The following RAP2C variants were observed in gnomAD, a reference collection of about 807,000 sequenced individuals.
RAP2C encodes the protein ras-related protein Rap-2c.
A neutral mutation model predicts 8.9 loss-of-function variants in RAP2C; 3 were observed. That is an observed-to-expected ratio of 0.34 (90% CI 0.15 to 0.87). The LOEUF is 0.87. Ranked by LOEUF, RAP2C falls within the 40% of genes least tolerant of loss-of-function variation. The probability of loss-of-function intolerance (pLI) is 0.51; values close to 1 mark genes in which losing one functional copy is unlikely to be tolerated. For synonymous variants in RAP2C, 60 were observed against 52.1 expected (o/e 1.15, Z -0.65); for missense variants, 76 against 133.7 (o/e 0.57, Z 2.13).
chrX:132,206,500 G>C (rs1930281093), intron 5 of RAP2C, among the ~76,000 whole-genome samples: 1 of 112,182 alleles, frequency 8.9e-6, no homozygotes, highest in Non-Finnish European at 1.9e-5. Flanking sequence ...TAGCTTCTAG[G>C]GGAATAGAGT....
At chrX:132,211,135 T>G (rs1237754953) in intron 5 of RAP2C, among the ~76,000 whole-genome samples, 1 of 110,969 alleles carries the variant, frequency 9.0e-6, no homozygotes, top group East Asian at 2.8e-4. Context: ...TGTCATCTAG[T>G]GGGTAAAAGC....
rs1226223131 is a variant in RAP2C, at chrX:132,217,461, G to C, written c.-193C>G. The stretch of plus-strand genomic sequence containing the variant: ...GGGAAAGAGCGTAGAGTCGGGGAGG[G>C]TGGGGAAGGGATGGTAATGCCCTTC... On this transcript the variant is annotated 5_prime_UTR_variant, in exon 4 of 6. Coordinates refer to ENST00000370874, the MANE Select transcript of RAP2C (RefSeq NM_001271186.2). The C allele has an allele frequency of 6.8e-6, 2 of 294,787 alleles. No individual in the cohort carries two copies. The highest frequency in any genetic ancestry group is 1.2e-5 in the Non-Finnish European group (2 of 168,060). 24.3% of individuals were successfully genotyped at this position (294,787 alleles called of 1,213,427 possible).
intron 5 of RAP2C, among the ~76,000 whole-genome samples, chrX:132,213,110 C>T (rs1930477119): frequency 9.0e-6 from 1 of 111,699 alleles, no homozygotes; most frequent in South Asian, 3.7e-4. Context: ...TTGCCATTTG[C>T]AACACTGCCT....
chrX:132,213,372 T>TA (rs1175413338), intron 5 of RAP2C, among the ~76,000 whole-genome samples: 9 of 110,786 alleles, frequency 8.1e-5, no homozygotes, highest in Admixed American at 3.8e-4. Flanking sequence ...GTATGAGTTT[T>TA]AAAAAAAAAC....
chrX:132,207,546 T>A (rs1176958220), intron 5 of RAP2C, among the ~76,000 whole-genome samples: 1 of 111,692 alleles, frequency 9.0e-6, no homozygotes, highest in African/African-American at 3.3e-5. Context: ...ACATTAGGCA[T>A]ACCTTTAAGC....
intron 5 of RAP2C, among the ~76,000 whole-genome samples, chrX:132,207,250 T>G (rs897419225): frequency 1.8e-5 from 2 of 111,896 alleles, no homozygotes; most frequent in African/African-American, 3.2e-5. Context: ...ATAAAGAGGT[T>G]GGGATTTTCA....
At chrX:132,211,819 C>T (rs1602890347) in intron 5 of RAP2C, among the ~76,000 whole-genome samples, 1 of 111,583 alleles carries the variant, frequency 9.0e-6, no homozygotes, top group Admixed American at 9.5e-5. Flanking sequence ...TAAATATTAG[C>T]GACAAACATT....
Position 132,204,575 on chromosome X carries a change from T to C in RAP2C, c.*1047A>G, listed in dbSNP as rs972601931. ...TTCTTGAGAAATAACTAAAAAGCAA[T>C]TGTGATAGTGCAAGAAAACTTTAAC... On this transcript the variant is annotated 3_prime_UTR_variant, in exon 6 of 6. Coordinates refer to ENST00000370874, the MANE Select transcript of RAP2C (RefSeq NM_001271186.2). 3 of 112,150 alleles carry C rather than the reference T, an allele frequency of 2.7e-5. No individual in the cohort carries two copies. The highest frequency in any genetic ancestry group is 1.9e-4 in the Admixed American group (2 of 10,479). 9.2% of individuals were successfully genotyped at this position (112,150 alleles called of 1,213,427 possible). A position where few individuals can be genotyped will look rare whatever the true frequency, so the allele number is the denominator to read the frequency against.
At chrX:132,206,157 AAAG>A (rs1930269341) in intron 5 of RAP2C, among the ~76,000 whole-genome samples, 1 of 111,233 alleles carries the variant, frequency 9.0e-6, no homozygotes, top group South Asian at 3.8e-4. Context: ...CAGAAAGAAA[AAAG>A]AAAAGAAAGG....
At chrX:132,213,775 T>C (rs1930494684) in intron 5 of RAP2C, among the ~76,000 whole-genome samples, 3 of 111,965 alleles carry the variant, frequency 2.7e-5, no homozygotes, top group African/African-American at 9.7e-5. Flanking sequence ...ACTTCTGAAA[T>C]TATTACTCAG....
rs1290303925 is a variant in RAP2C at position 132,218,246 on chromosome X, C to T, written c.-650G>A. ...GAAAGTCCCACCTCTTCGGGGCGAG[C>T]CGGGTGGCGCTGGAGCCGCGCCCTG... On this transcript the variant is annotated 5_prime_UTR_variant, in exon 2 of 6. Coordinates refer to ENST00000370874, the MANE Select transcript of RAP2C (RefSeq NM_001271186.2). 3 of 108,660 alleles carry T rather than the reference C, an allele frequency of 2.8e-5. No homozygotes were observed. Among genetic ancestry groups the T allele is most frequent in the Non-Finnish European group, 5.8e-5 (3 of 52,082 alleles). 9.0% of individuals were successfully genotyped at this position (108,660 alleles called of 1,213,427 possible).
Position 132,217,301 on chromosome X carries a change from G to A in RAP2C, c.-33C>T. On this transcript the variant is annotated 5_prime_UTR_variant, in exon 4 of 6. Transcript: ENST00000370874. ...ACCTTCACCAACTCCTACCAGAGGG[G>A]GGGAAAGATCACCCCGCTAGCTGTG... 9.4e-7 allele frequency: 1 copy of A among 1,059,414 alleles called. No individual in the cohort carries two copies. Among genetic ancestry groups the A allele is most frequent in the Non-Finnish European group, 1.2e-6 (1 of 814,394 alleles). 87.3% of individuals were successfully genotyped at this position (1,059,414 alleles called of 1,213,427 possible). A position where few individuals can be genotyped will look rare whatever the true frequency, so the allele number is the denominator to read the frequency against.
intron 5 of RAP2C, 70 bp downstream of exon 5, chrX:132,214,064 C>G: frequency 1.1e-6 from 1 of 903,874 alleles, no homozygotes; most frequent in Non-Finnish European, 1.5e-6. Context: ...TTAACACTAA[C>G]CAGCTTTTTG....
intron 4 of RAP2C, 37 bp downstream of exon 4, chrX:132,216,958 AC>A (rs986861295): frequency 1.8e-6 from 2 of 1,101,430 alleles, no homozygotes; most frequent in Non-Finnish European, 2.4e-6. Flanking sequence ...GGATTACCAC[AC>A]CCCCTTCTAA....
chrX:132,212,658 C>T (rs1243948260), intron 5 of RAP2C, among the ~76,000 whole-genome samples: 2 of 111,967 alleles, frequency 1.8e-5, no homozygotes, highest in African/African-American at 3.2e-5. Flanking sequence ...AAAAATAGAG[C>T]AAAACAGTAA....
At chrX:132,215,745 C>T (rs1163629145) in intron 4 of RAP2C, among the ~76,000 whole-genome samples, 2 of 111,895 alleles carry the variant, frequency 1.8e-5, no homozygotes, top group Non-Finnish European at 3.8e-5. Context: ...GAAAAAATGC[C>T]TGTCAAACAG....
chrX:132,211,845 AC>A (rs1930438141), intron 5 of RAP2C, among the ~76,000 whole-genome samples: 1 of 111,810 alleles, frequency 8.9e-6, no homozygotes, highest in South Asian at 3.7e-4. Context: ...AATCAACTTT[AC>A]CTGTCAAAGT....
chrX:132,205,659 C>G (rs766566446), intron 5 of RAP2C, 72 bp from the exon 6 acceptor site: 1 of 110,973 alleles, frequency 9.0e-6, no homozygotes, highest in Non-Finnish European at 1.9e-5. Context: ...GACAACAGAT[C>G]TATATACACA....
At chrX:132,210,361 T>C (rs1270124014) in intron 5 of RAP2C, among the ~76,000 whole-genome samples, 1 of 112,091 alleles carries the variant, frequency 8.9e-6, no homozygotes. Context: ...TAAAAAACCC[T>C]GAAAATGTTT....
Sources: allele counts gnomAD v4.1 joint callset (sites outside exome capture counted in the v4.1 genomes callset), GRCh38; gene constraint gnomAD v4.1.1; transcripts MANE v1.5; gene names NCBI Gene and HGNC (gene_info 2026-07-23, HGNC 2026-07-21).